Variants in MECR observed in about 807,000 individuals in gnomAD.
MECR encodes the protein mitochondrial trans-2-enoyl-CoA reductase, also known as enoyl-[acyl-carrier-protein] reductase, mitochondrial.
Under a neutral mutation model 49.1 loss-of-function variants are expected in MECR, and 37 were observed. That is an observed-to-expected ratio of 0.75 (90% CI 0.58 to 0.99). The LOEUF is 0.99. Among genes scored for constraint, MECR ranks in the 50% least tolerant of loss-of-function variants. MECR has a pLI of 0.00. For synonymous variants in MECR, 198 were observed against 191.1 expected, an observed-to-expected ratio of 1.04 and a Z score of -0.30; for missense variants, 470 against 479.6, an observed-to-expected ratio of 0.98 and a Z score of 0.19.
chr1:29,225,374 T>C (rs958563414), intron 1 of MECR, among the ~76,000 whole-genome samples: 1 of 152,102 alleles, frequency 6.6e-6, no homozygotes, highest in Non-Finnish European at 1.5e-5. Context: ...ACCGGATCTC[T>C]GGAGCACTCA....
the MECR span, among the ~76,000 whole-genome samples, chr1:29,183,611 GTCTT>G: frequency 6.6e-6 from 1 of 152,114 alleles, no homozygotes; most frequent in East Asian, 1.9e-4. Context: ...AGAGATATGA[GTCTT>G]TCTTCATATG....
Position 29,193,855 on chromosome 1 carries a change from A to T in MECR, c.*167T>A. 1 of 756,294 alleles carries T rather than the reference A, an allele frequency of 1.3e-6. No individual in the cohort carries two copies. The highest frequency in any genetic ancestry group is 2.1e-6 in the Non-Finnish European group (1 of 472,882). 46.8% of individuals were successfully genotyped at this position (756,294 alleles called of 1,614,324 possible). On this transcript the variant is annotated 3_prime_UTR_variant, in exon 10 of 10. Transcript: ENST00000263702. ...GAGTTCAGACTTTATTAGATACCTTAAGGCTGGCCCTGGGGAAAACCGTGG... is the reference window on the plus strand; with the variant it reads ...GAGTTCAGACTTTATTAGATACCTTTAGGCTGGCCCTGGGGAAAACCGTGG...
At chr1:29,203,307 T>A in intron 4 of MECR, 74 bp from the exon 5 acceptor site, 1 of 1,238,772 alleles carries the variant, frequency 8.1e-7, no homozygotes, top group Non-Finnish European at 1.1e-6. Context: ...CAGCCGGGGA[T>A]CCTTCTGTAG....
At chr1:29,195,882 G>A in intron 9 of MECR, 59 bp downstream of exon 9, 3 of 1,558,460 alleles carry the variant, frequency 1.9e-6, no homozygotes, top group Non-Finnish European at 2.7e-6. Flanking sequence ...GGTCATTTCT[G>A]CTGCCATTTT....
In MECR at chr1:29,216,649, T is replaced by C. The variant is rs879104582; in HGVS notation, c.213A>G (p.Ser71=). The C allele has an allele frequency of 5.0e-6, 8 of 1,614,260 alleles. No individual in the cohort carries two copies. In the South Asian group the frequency reaches 6.6e-5, roughly 13 times the overall value. ...CCGCCAGCATCTTCACACGGACATC[T>C]GATCCTCTCACAGCAGCTAGCTCCA... ...KNLELAAVRG[S]DVRVKMLAAP... Residue 71 remains serine, a synonymous_variant, in exon 2 of 10, where the codon TCA becomes TCG. Coordinates refer to ENST00000263702, the MANE Select transcript of MECR (RefSeq NM_016011.5).
At chr1:29,184,232 G>C in the MECR span, among the ~76,000 whole-genome samples, 4 of 142,282 alleles carry the variant, frequency 2.8e-5, no homozygotes, top group African/African-American at 1.1e-4. Flanking sequence ...ATGGAGTGTA[G>C]TGGCACTATC....
chr1:29,216,516 G>T, intron 2 of MECR, 72 bp downstream of exon 2: 2 of 1,443,556 alleles, frequency 1.4e-6, no homozygotes, highest in Non-Finnish European at 9.7e-7. Flanking sequence ...ACCCACACCT[G>T]AGGAGGAATG....
At chr1:29,196,785 C>A (rs1192567114) in intron 7 of MECR, among the ~76,000 whole-genome samples, 1 of 152,092 alleles carries the variant, frequency 6.6e-6, no homozygotes, top group Non-Finnish European at 1.5e-5. Context: ...GAGAGGATTG[C>A]CTGAGCCCAG....
intron 1 of MECR, among the ~76,000 whole-genome samples, chr1:29,228,715 G>A (rs956795151): frequency 2.6e-5 from 4 of 151,940 alleles, no homozygotes; most frequent in Admixed American, 6.6e-5. Context: ...CAAACAGACC[G>A]GTCTGTTCCA....
chr1:29,209,125 G>A (rs1361778536), intron 3 of MECR, among the ~76,000 whole-genome samples: 1 of 152,166 alleles, frequency 6.6e-6, no homozygotes, highest in Non-Finnish European at 1.5e-5. Context: ...TCAGAATTCT[G>A]ACCCACAGTA....
downstream of MECR, among the ~76,000 whole-genome samples, chr1:29,189,887 T>A (rs751530134): frequency 4.6e-5 from 7 of 152,192 alleles, no homozygotes; most frequent in Non-Finnish European, 8.8e-5. Flanking sequence ...ACGATTCCCT[T>A]TTTCGGCTTC....
At chr1:29,229,968 G>GA (rs1683038698) in intron 1 of MECR, among the ~76,000 whole-genome samples, 1 of 152,224 alleles carries the variant, frequency 6.6e-6, no homozygotes, top group Non-Finnish European at 1.5e-5. Context: ...AAAGTAACGA[G>GA]AAGTTGAATG....
At chr1:29,175,434 G>T in the MECR span, among the ~76,000 whole-genome samples, 1 of 150,858 alleles carries the variant, frequency 6.6e-6, no homozygotes, top group Non-Finnish European at 1.5e-5. Flanking sequence ...GGTGGCTCAC[G>T]CCTGTAATCC....
intron 4 of MECR, among the ~76,000 whole-genome samples, chr1:29,205,767 T>C (rs1183302872): frequency 1.3e-5 from 2 of 151,754 alleles, no homozygotes; most frequent in South Asian, 2.1e-4. Flanking sequence ...GAGGTGGAGG[T>C]TGCAGTGAGC....
At chr1:29,196,320 T>A (rs1290721884) in intron 7 of MECR, 62 bp from the exon 8 acceptor site, 9 of 1,444,592 alleles carry the variant, frequency 6.2e-6, no homozygotes, top group Non-Finnish European at 7.6e-6. Flanking sequence ...TTCCTGAACC[T>A]GCCATGGCGC....
At chr1:29,191,183 C>A (rs577043904), downstream of MECR, among the ~76,000 whole-genome samples, 3 of 152,318 alleles carry the variant, frequency 2.0e-5, no homozygotes, top group African/African-American at 7.2e-5. Flanking sequence ...GATCTTGAAG[C>A]GTGGTGTTAC....
chr1:29,190,619 C>T (rs928026557), downstream of MECR, among the ~76,000 whole-genome samples: 4 of 151,782 alleles, frequency 2.6e-5, no homozygotes, highest in South Asian at 2.1e-4. Context: ...CATGGTGAAA[C>T]GCTGTTTCTA....
chr1:29,178,025 G>A, the MECR span, among the ~76,000 whole-genome samples: 1 of 149,630 alleles, frequency 6.7e-6, no homozygotes, highest in Admixed American at 6.8e-5. Flanking sequence ...TTAGCCTCTA[G>A]AGGAGCTGGG....
intron 1 of MECR, among the ~76,000 whole-genome samples, chr1:29,225,628 T>C (rs1016396440): frequency 6.6e-6 from 1 of 152,152 alleles, no homozygotes; most frequent in Non-Finnish European, 1.5e-5. Flanking sequence ...GCCAACTTAC[T>C]ATATCAATGC....
Sources: allele counts gnomAD v4.1 joint callset (sites outside exome capture counted in the v4.1 genomes callset), GRCh38; gene constraint gnomAD v4.1.1; transcripts MANE v1.5; gene names NCBI Gene and HGNC (gene_info 2026-07-23, HGNC 2026-07-21).